Variants in BCAR3 observed in about 807,000 individuals in gnomAD.
BCAR3 encodes the protein breast cancer anti-estrogen resistance protein 3.
BCAR3 carries 37 observed loss-of-function variants against 80.1 expected under a neutral mutation model. That is an observed-to-expected ratio of 0.46 (90% CI 0.36 to 0.61). The LOEUF is 0.61. BCAR3 is among the 20% of genes least tolerant of loss of function. BCAR3 has a pLI of 0.00. For synonymous variants in BCAR3, 389 were observed against 418.9 expected (o/e 0.93, Z 0.87); for missense variants, 978 against 1,068.2 (o/e 0.92, Z 1.18).
At chr1:93,669,180 T>C (rs980760059) in intron 2 of BCAR3, among the ~76,000 whole-genome samples, 2 of 152,112 alleles carry the variant, frequency 1.3e-5, no homozygotes, top group East Asian at 3.8e-4. Flanking sequence ...TAAAGGCTGG[T>C]GTATTTGCGT....
At chr1:93,773,467 A>G (rs939632574) in intron 2 of BCAR3, among the ~76,000 whole-genome samples, 2 of 152,238 alleles carry the variant, frequency 1.3e-5, no homozygotes, top group African/African-American at 4.8e-5. Flanking sequence ...GGGCAGACAG[A>G]AAGCTTCCCT....
Position 93,769,133 on chromosome 1 carries a change from A to G in BCAR3, c.-62-62991T>C, listed in dbSNP as rs149433030. The stretch of plus-strand genomic sequence containing the variant: ...GGAGACAGAAGGAGCAGCAGACGAT[A>G]TAACTTCCCGAAAAGCACAGCTGGC... On this transcript the variant is annotated intron_variant, in intron 2 of 13. Transcript: ENST00000370244. Among the ~76,000 whole-genome samples the G allele has an allele frequency of 5.8e-3, 879 of 152,280 alleles. 6 individuals carry two copies. The highest frequency in any genetic ancestry group is 7.7e-3 in the Non-Finnish European group (522 of 68,018).
At chr1:93,811,066 C>G (rs1310105268) in intron 2 of BCAR3, among the ~76,000 whole-genome samples, 1 of 152,066 alleles carries the variant, frequency 6.6e-6, no homozygotes, top group African/African-American at 2.4e-5. Flanking sequence ...AAAAAATTAT[C>G]AGAAAAAAAG....
At chr1:93,766,698 C>T (rs939757832) in intron 2 of BCAR3, among the ~76,000 whole-genome samples, 12 of 152,202 alleles carry the variant, frequency 7.9e-5, no homozygotes, top group Non-Finnish European at 1.3e-4. Flanking sequence ...CCATCTTCAC[C>T]GTATCAGCTG....
intron 4 of BCAR3, among the ~76,000 whole-genome samples, chr1:93,590,771 G>C (rs1674139362): frequency 6.6e-6 from 1 of 152,160 alleles, no homozygotes; most frequent in African/African-American, 2.4e-5. Flanking sequence ...TATGAACACA[G>C]CAATCTTAAA....
intron 2 of BCAR3, among the ~76,000 whole-genome samples, chr1:93,660,028 A>C (rs1003982249): frequency 6.6e-6 from 1 of 151,846 alleles, no homozygotes; most frequent in Non-Finnish European, 1.5e-5. Context: ...CAGTTGCTCC[A>C]TGTATGTTGG....
chr1:93,635,340 T>C (rs143372752), intron 3 of BCAR3, among the ~76,000 whole-genome samples: 1 of 151,210 alleles, frequency 6.6e-6, no homozygotes, highest in African/African-American at 2.5e-5. Flanking sequence ...TTTGTTTTTG[T>C]CAATTACGAA....
At chr1:93,751,330 C>T (rs543167764) in intron 2 of BCAR3, among the ~76,000 whole-genome samples, 16 of 152,244 alleles carry the variant, frequency 1.1e-4, no homozygotes, top group East Asian at 9.7e-4. Flanking sequence ...TCCACTCTGA[C>T]GGCCTTTCCC....
upstream of BCAR3, among the ~76,000 whole-genome samples, chr1:93,682,216 C>G (rs563794884): frequency 2.0e-5 from 3 of 152,264 alleles, no homozygotes; most frequent in Admixed American, 6.5e-5. Flanking sequence ...GAACCATCCA[C>G]GGGAACAGGC....
At chr1:93,712,334 A>C (rs893224266) in intron 2 of BCAR3, among the ~76,000 whole-genome samples, 2 of 152,222 alleles carry the variant, frequency 1.3e-5, no homozygotes, top group African/African-American at 4.8e-5. Flanking sequence ...AGTACAGCTA[A>C]GCTCCCATGA....
chr1:93,840,720 A>G (rs968702631), intron 2 of BCAR3, among the ~76,000 whole-genome samples: 4 of 152,224 alleles, frequency 2.6e-5, no homozygotes, highest in African/African-American at 9.6e-5. Flanking sequence ...TGGAGTGTCC[A>G]CTGTGTACAT....
At chr1:93,736,638 G>A (rs1377535738) in intron 2 of BCAR3, among the ~76,000 whole-genome samples, 1 of 152,198 alleles carries the variant, frequency 6.6e-6, no homozygotes, top group Admixed American at 6.5e-5. Context: ...CAATAATTAT[G>A]GGGGAATGGA....
intron 2 of BCAR3, among the ~76,000 whole-genome samples, chr1:93,777,689 T>A (rs948546193): frequency 6.6e-6 from 1 of 152,008 alleles, no homozygotes; most frequent in Non-Finnish European, 1.5e-5. Context: ...CCTCTCAGAG[T>A]GCTGGGATTA....
At chr1:93,695,441 C>G (rs891188735) in intron 3 of BCAR3, among the ~76,000 whole-genome samples, 8 of 152,204 alleles carry the variant, frequency 5.3e-5, no homozygotes, top group Non-Finnish European at 8.8e-5. Flanking sequence ...CTGTCTCACT[C>G]CTGTGGTTCA....
Position 93,582,451 on chromosome 1 carries a change from G to T in BCAR3, c.1536C>A (p.Val512=). 2 of 1,614,210 alleles carry T rather than the reference G, an allele frequency of 1.2e-6. No individual in the cohort carries two copies. Among genetic ancestry groups the T allele is most frequent in the Non-Finnish European group, 1.7e-6 (2 of 1,180,028 alleles). ...CAAACTCGTTGGGCCTGAAGGAGGAGACAGTCTCCAGGAGGGGCGTCACAA... is the reference window on the plus strand; with the variant it reads ...CAAACTCGTTGGGCCTGAAGGAGGATACAGTCTCCAGGAGGGGCGTCACAA... ...GEFVTPLLET[V]SSFRPNEFES... is the part of the protein sequence containing the mutation. The change falls in exon 7 of 12, where the codon GTC becomes GTA. Residue 512 remains valine, a synonymous_variant. Coordinates refer to ENST00000260502, the MANE Select transcript of BCAR3 (RefSeq NM_003567.4).
intron 3 of BCAR3, among the ~76,000 whole-genome samples, chr1:93,630,946 A>C (rs2101898532): frequency 6.6e-6 from 1 of 152,338 alleles, no homozygotes; most frequent in South Asian, 2.1e-4. Flanking sequence ...AACGGCTAAA[A>C]CCGGGCTCTG....
intron 2 of BCAR3, among the ~76,000 whole-genome samples, chr1:93,649,247 T>A (rs776113189): frequency 2.6e-5 from 4 of 151,908 alleles, no homozygotes; most frequent in Non-Finnish European, 4.4e-5. Flanking sequence ...CAGGGGTGGG[T>A]TGGGGGACAT....
intron 7 of BCAR3, among the ~76,000 whole-genome samples, chr1:93,580,678 TTA>T (rs988451421): frequency 2.0e-5 from 3 of 152,112 alleles, no homozygotes; most frequent in African/African-American, 7.2e-5. Context: ...ATTGCATAGG[TTA>T]TATGCAAATA....
At chr1:93,655,032 C>T (rs1647306316) in intron 2 of BCAR3, among the ~76,000 whole-genome samples, 1 of 152,194 alleles carries the variant, frequency 6.6e-6, no homozygotes, top group Admixed American at 6.5e-5. Flanking sequence ...ATGGCAGTTG[C>T]CCAGTGAGCA....
Sources: allele counts gnomAD v4.1 joint callset (sites outside exome capture counted in the v4.1 genomes callset), GRCh38; gene constraint gnomAD v4.1.1; transcripts MANE v1.5; gene names NCBI Gene and HGNC (gene_info 2026-07-23, HGNC 2026-07-21).